The following TXLNA variants were observed in gnomAD, a reference collection of about 807,000 sequenced individuals.
TXLNA encodes the protein taxilin alpha.
A neutral mutation model predicts 61.4 loss-of-function variants in TXLNA; 9 were observed. That is an observed-to-expected ratio of 0.15 (90% CI 0.09 to 0.26). The LOEUF is 0.26. TXLNA is among the 10% of genes least tolerant of loss of function. The probability of loss-of-function intolerance (pLI) is 1.00; values close to 1 mark genes in which losing one functional copy is unlikely to be tolerated. For synonymous variants in TXLNA, 257 were observed against 267.7 expected, an observed-to-expected ratio of 0.96 and a Z score of 0.39; for missense variants, 565 against 688.8, an observed-to-expected ratio of 0.82 and a Z score of 2.01.
chr1:32,187,808 C>T, intron 4 of TXLNA, 146 bp from the exon 5 acceptor site: 2 of 807,554 alleles, frequency 2.5e-6, no homozygotes, highest in South Asian at 2.2e-5. Flanking sequence ...CGTGTAAGCA[C>T]CGGCACAGCA....
In TXLNA at chr1:32,193,928, A is replaced by T. The variant is rs113111801; in HGVS notation, c.1252-137A>T. 58 of 631,448 alleles carry T rather than the reference A, an allele frequency of 9.2e-5. 2 individuals are homozygous for T. The highest frequency in any genetic ancestry group is 9.0e-4 in the African/African-American group (49 of 54,612). The allele number at this position is 631,448 out of a possible 1,614,324, so 39.1% of individuals were successfully genotyped here. A position where few individuals can be genotyped will look rare whatever the true frequency, so the allele number is the denominator to read the frequency against. ...TGGTGAGGTGGCACAGAGGGCATTG[A>T]CTGCATCCTGTAATGCCTTGCGCCT... On this transcript the variant is annotated intron_variant, in intron 9 of 10. Transcript: ENST00000373610.
rs1356229203 is a variant in TXLNA at position 32,181,230 on chromosome 1, C to T, written c.170-12C>T. 16 of 1,549,196 alleles carry T rather than the reference C, an allele frequency of 1.0e-5. No homozygotes were observed. The highest frequency in any genetic ancestry group is 1.2e-5 in the Non-Finnish European group (14 of 1,144,302). On this transcript the variant is annotated splice_polypyrimidine_tract_variant and intron_variant, in intron 2 of 10. Transcript: ENST00000373610. The stretch of plus-strand genomic sequence containing the variant: ...TCTTTCTCACTCTACCCCTCATCCT[C>T]TCCTGCTGTAGGGGCTCAAGCCAGA...
rs1010547664 is a variant in TXLNA at position 32,195,355 on chromosome 1, G to A, written c.*160G>A. 1.1e-5 allele frequency: 8 copies of A among 724,372 alleles called. No homozygotes were observed. The highest frequency in any genetic ancestry group is 5.4e-5 in the African/African-American group (3 of 56,004). The allele number at this position is 724,372 out of a possible 1,614,324, so 44.9% of individuals were successfully genotyped here. ...TTTGGATTTTGTGGGTCAGTTTTAC[G>A]TACATAGGGCATTTTGCAAGGCCTT... On this transcript the variant is annotated 3_prime_UTR_variant, in exon 11 of 11. Transcript: ENST00000373610.
chr1:32,185,298 C>T (rs1277427129), intron 4 of TXLNA, among the ~76,000 whole-genome samples: 1 of 152,210 alleles, frequency 6.6e-6, no homozygotes, highest in East Asian at 1.9e-4. Flanking sequence ...ATTCTTCCAT[C>T]ATCAGGTCCC....
intron 3 of TXLNA, among the ~76,000 whole-genome samples, chr1:32,184,282 G>C (rs2124139174): frequency 6.6e-6 from 1 of 152,196 alleles, no homozygotes; most frequent in Admixed American, 6.5e-5. Flanking sequence ...ATTTCACTAG[G>C]GTACAGTCGT....
At position 32,192,462 on chromosome 1, in the gene TXLNA, G is replaced by GTT; in HGVS notation, c.1083+33_1083+34insTT. 6.8e-7 allele frequency: 1 copy of GTT among 1,473,322 alleles called. No individual in the cohort carries two copies. The highest frequency in any genetic ancestry group is 1.2e-5 in the South Asian group (1 of 86,350). The allele number at this position is 1,473,322 out of a possible 1,614,324, so 91.3% of individuals were successfully genotyped here. A position where few individuals can be genotyped will look rare whatever the true frequency, so the allele number is the denominator to read the frequency against. On this transcript the variant is annotated intron_variant, in intron 7 of 10. Coordinates refer to ENST00000373610, the MANE Select transcript of TXLNA (RefSeq NM_175852.4). The surrounding 1 kb of genome is among the most constrained non-coding windows in gnomAD (Gnocchi z 4.2). ...CTCAGGCCCCAGGGTTGGGGTGGGG[G>GTT]TGGGAGGAGACAGGCTGGGCTCTGG...
intron 4 of TXLNA, 57 bp from the exon 5 acceptor site, chr1:32,187,897 C>T: frequency 6.3e-7 from 1 of 1,576,900 alleles, no homozygotes; most frequent in Non-Finnish European, 8.6e-7. Context: ...CATAGTGATC[C>T]CCCCACCAGG....
Position 32,196,058 on chromosome 1 carries a change from G to A in TXLNA, c.*863G>A, listed in dbSNP as rs1242056574. On this transcript the variant is annotated 3_prime_UTR_variant, in exon 11 of 11. Coordinates refer to ENST00000373610, the MANE Select transcript of TXLNA (RefSeq NM_175852.4). ...GGACCTTCCAAGGAAGAGGGATGCT[G>A]TAGCAGTGGTGCCTGGGTGCCTGGC... The A allele has an allele frequency of 1.2e-5, 2 of 164,748 alleles. No homozygotes were observed. The highest frequency in any genetic ancestry group is 1.1e-4 in the South Asian group (1 of 8,874). 10.2% of individuals were successfully genotyped at this position (164,748 alleles called of 1,614,324 possible).
At chr1:32,193,180 T>G in intron 8 of TXLNA, 28 bp from the exon 9 acceptor site, 1 of 1,551,090 alleles carries the variant, frequency 6.4e-7, no homozygotes, top group Non-Finnish European at 8.9e-7. Context: ...AAACCCAGTC[T>G]TATCTGTGGG....
Position 32,181,592 on chromosome 1 carries a change from G to T in TXLNA, c.505+15G>T. On this transcript the variant is annotated intron_variant, in intron 3 of 10. Coordinates refer to ENST00000373610, the MANE Select transcript of TXLNA (RefSeq NM_175852.4). ...CAAGGGTTTGGGTGAGCAGAGGGCG[G>T]CTCTTTGTGAAGCTGGTGAGGAGAG... 2 of 1,509,978 alleles carry T rather than the reference G, an allele frequency of 1.3e-6. No homozygotes were observed. The highest frequency in any genetic ancestry group is 1.3e-5 in the South Asian group (1 of 78,752). 93.5% of individuals were successfully genotyped at this position (1,509,978 alleles called of 1,614,324 possible). A position where few individuals can be genotyped will look rare whatever the true frequency, so the allele number is the denominator to read the frequency against.
At chr1:32,185,456 G>A (rs1317679998) in intron 4 of TXLNA, among the ~76,000 whole-genome samples, 2 of 151,882 alleles carry the variant, frequency 1.3e-5, no homozygotes, top group Non-Finnish European at 2.9e-5. Flanking sequence ...GCAGTGGCAC[G>A]ATCTCGGCTC....
chr1:32,186,820 C>T (rs565754558), intron 4 of TXLNA, among the ~76,000 whole-genome samples: 8 of 152,322 alleles, frequency 5.3e-5, no homozygotes, highest in South Asian at 2.1e-4. Context: ...AAGATAAATT[C>T]GTCTCTAGCT....
intron 9 of TXLNA, 102 bp from the exon 10 acceptor site, chr1:32,193,963 T>C: frequency 2.2e-6 from 2 of 913,640 alleles, no homozygotes; most frequent in Non-Finnish European, 3.4e-6. Context: ...TTGGGATCAA[T>C]CATTCCCCAC....
intron 3 of TXLNA, 46 bp downstream of exon 3, chr1:32,181,623 T>C: frequency 6.9e-7 from 1 of 1,454,696 alleles, no homozygotes; most frequent in Non-Finnish European, 9.2e-7. Flanking sequence ...GAGAGGGAGT[T>C]TGGACTTGAC....
At chr1:32,180,590 C>G in intron 2 of TXLNA, 76 bp downstream of exon 2, 2 of 1,483,416 alleles carry the variant, frequency 1.3e-6, no homozygotes, top group East Asian at 2.5e-5. Context: ...ACTTACAGGC[C>G]GAGGCCAGGT....
chr1:32,181,334 G>A lies in TXLNA; in HGVS notation c.262G>A (p.Val88Met). The A allele has an allele frequency of 6.2e-7, 1 of 1,614,212 alleles. No individual in the cohort carries two copies. The highest frequency in any genetic ancestry group is 8.5e-7 in the Non-Finnish European group (1 of 1,180,052). Reference protein sequence around the residue: ...QLEDILSTYCVDNNQGGPGED... With the variant: ...QLEDILSTYCMDNNQGGPGED... ...GGAAGACATACTGAGCACATACTGT[G>A]TGGACAATAACCAGGGGGGCCCCGG... is the stretch of plus-strand genomic sequence containing the variant. The change falls in exon 3 of 11, where the codon GTG (valine) becomes ATG (methionine). Residue 88 changes from valine to methionine, a missense_variant. Physicochemically the swap from Val to Met is conservative, Grantham distance 21. Transcript: ENST00000373610.
chr1:32,188,781 A>G (rs193107224), intron 5 of TXLNA, among the ~76,000 whole-genome samples: 59 of 152,316 alleles, frequency 3.9e-4, no homozygotes, highest in Admixed American at 1.1e-3. Context: ...TCCATAATGC[A>G]CTGGCGTTAG....
chr1:32,180,651 T>G, intron 2 of TXLNA, 137 bp downstream of exon 2: 1 of 1,140,892 alleles, frequency 8.8e-7, no homozygotes, highest in Non-Finnish European at 1.2e-6. Flanking sequence ...GGGGCCGCGG[T>G]CCCCCCTGCG....
chr1:32,192,256 A>G lies in TXLNA; in HGVS notation c.964-55A>G, dbSNP rs1569627753. 1 of 1,602,858 alleles carries G rather than the reference A, an allele frequency of 6.2e-7. No individual in the cohort carries two copies. The highest frequency in any genetic ancestry group is 1.7e-5 in the Admixed American group (1 of 59,642). Reference sequence around the variant, plus strand: ...TGCCCTGGTCTGTGGCTGTGGGGCTACCCTGAGAAAGGGAGCGCCTGACAA... The same window carrying G: ...TGCCCTGGTCTGTGGCTGTGGGGCTGCCCTGAGAAAGGGAGCGCCTGACAA... On this transcript the variant is annotated intron_variant, in intron 6 of 10. Transcript: ENST00000373610. The surrounding 1 kb of genome is among the most constrained non-coding windows in gnomAD (Gnocchi z 4.2).
Sources: allele counts gnomAD v4.1 joint callset (sites outside exome capture counted in the v4.1 genomes callset), GRCh38; gene constraint gnomAD v4.1.1; non-coding constraint Gnocchi (gnomAD v3.1); transcripts MANE v1.5; gene names NCBI Gene and HGNC (gene_info 2026-07-23, HGNC 2026-07-21).